SYCP2: variants seen among roughly 807,000 people sequenced by gnomAD.
SYCP2 encodes synaptonemal complex lateral element protein.
In SYCP2, 55 loss-of-function variants were observed where a neutral mutation model predicts 211.3. The observed-to-expected ratio is 0.26, with a 90% CI of 0.21 to 0.33. The LOEUF (loss-of-function observed/expected upper bound fraction) is 0.33, where lower values mean the gene tolerates loss of function less well. SYCP2 is among the 10% of genes least tolerant of loss of function. The probability of loss-of-function intolerance (pLI) is 1.00; values close to 1 mark genes in which losing one functional copy is unlikely to be tolerated. For synonymous variants in SYCP2, 570 were observed against 555.2 expected, an observed-to-expected ratio of 1.03 and a Z score of -0.37; for missense variants, 1,731 against 1,752.0, an observed-to-expected ratio of 0.99 and a Z score of 0.21.
chr20:59,880,254 A>G, intron 31 of SYCP2, 49 bp downstream of exon 31: 1 of 1,454,636 alleles, frequency 6.9e-7, no homozygotes, highest in African/African-American at 1.4e-5. Flanking sequence ...AATAATTGAA[A>G]TAAACTGCAA....
Position 59,893,578 on chromosome 20 carries a change from TAGC to T in SYCP2, c.1678_1680del (p.Ala560del). 1 of 1,608,756 alleles carries T rather than the reference TAGC, an allele frequency of 6.2e-7. No homozygotes were observed. Among genetic ancestry groups the T allele is most frequent in the Non-Finnish European group, 8.5e-7 (1 of 1,176,818 alleles). On this transcript the variant is annotated inframe_deletion, in exon 21 of 45. Transcript: ENST00000357552. ...TTATTTTCTGTGTTTTCTACACACT[TAGC>T]AGTTTTGATATGCTGTAAACACAGG...
In SYCP2 at chr20:59,892,636, G is replaced by T. The variant is rs758129507; in HGVS notation, c.1859C>A (p.Pro620His). Reference sequence around the variant, plus strand: ...ATTACATAGTTCAATGTTTGTTACAGGTGTCCAACATGCCCATTTGCTGTG... The same window carrying T: ...ATTACATAGTTCAATGTTTGTTACATGTGTCCAACATGCCCATTTGCTGTG... ...KIHSKWACWT[P>H]VTNIELCNNQ... The change falls in exon 23 of 45, where the codon CCT becomes CAT. Residue 620 changes from proline (P) to histidine (H), a missense_variant. Pro to His is a moderately conservative substitution (Grantham distance 77). Around this residue, in one of 3 missense-constraint regions of SYCP2, gnomAD observed 1,387 missense variants for 1,351.3 expected, o/e 1.03. Coordinates refer to ENST00000357552, the MANE Select transcript of SYCP2 (RefSeq NM_014258.4). The T allele has an allele frequency of 1.2e-6, 2 of 1,610,608 alleles. No homozygotes were observed. Among genetic ancestry groups the T allele is most frequent in the South Asian group, 2.2e-5 (2 of 90,704 alleles).
At chr20:59,891,117 G>A (rs2145727866) in intron 24 of SYCP2, among the ~76,000 whole-genome samples, 1 of 151,982 alleles carries the variant, frequency 6.6e-6, no homozygotes, top group African/African-American at 2.4e-5. Context: ...CACATTGAGA[G>A]GTTACATTGT....
In SYCP2 at chr20:59,886,802, A is replaced by C. The variant is rs2059797906; in HGVS notation, c.2397T>G (p.Asn799Lys). The change falls in exon 25 of 45, where the codon AAT (asparagine) becomes AAG (lysine). Residue 799 changes from asparagine (N) to lysine (K), a missense_variant. Transcript: ENST00000357552. ...REKSKGKEFT[N>K]VAESLISQIN... ...TTTGGCTTATCAAGGATTCTGCTAC[A>C]TTGGTAAATTCTTTCCCTTTTGACT... The C allele has an allele frequency of 6.3e-7, 1 of 1,591,356 alleles. No individual in the cohort carries two copies. Among genetic ancestry groups the C allele is most frequent in the Non-Finnish European group, 8.5e-7 (1 of 1,172,772 alleles).
At position 59,912,373 on chromosome 20, in the gene SYCP2, C is replaced by A. The variant is rs866038577; in HGVS notation, c.876G>T (p.Glu292Asp). The change falls in exon 13 of 45, where the codon GAG becomes GAT. Residue 292 changes from glutamate to aspartate, a missense_variant and splice_region_variant. Coordinates refer to ENST00000357552, the MANE Select transcript of SYCP2 (RefSeq NM_014258.4). ...ATAATGTGTTAAATTAAAATTTTAC[C>A]TCATATTTATCAAGAAATGCTGATA... ...PCLSAFLDKY[E>D]LQIPSDEKLE... The A allele has an allele frequency of 2.9e-6, 3 of 1,044,102 alleles. No individual in the cohort carries two copies. The highest frequency in any genetic ancestry group is 2.8e-5 in the East Asian group (1 of 35,164). The allele number at this position is 1,044,102 out of a possible 1,614,324, so 64.7% of individuals were successfully genotyped here. A position where few individuals can be genotyped will look rare whatever the true frequency, so the allele number is the denominator to read the frequency against.
At position 59,864,259 on chromosome 20, in the gene SYCP2, G is replaced by A. The variant is rs1169601042; in HGVS notation, c.*52C>T. On this transcript the variant is annotated 3_prime_UTR_variant, in exon 45 of 45. Coordinates refer to ENST00000357552, the MANE Select transcript of SYCP2 (RefSeq NM_014258.4). Reference sequence around the variant, plus strand: ...TTGTAGGACTATTCTTATTTCCTCAGTTATATACAGAGAATAATAATTAGA... The same window carrying A: ...TTGTAGGACTATTCTTATTTCCTCAATTATATACAGAGAATAATAATTAGA... 1.6e-5 allele frequency: 20 copies of A among 1,273,758 alleles called. No individual in the cohort carries two copies. The highest frequency in any genetic ancestry group is 2.0e-5 in the Non-Finnish European group (18 of 898,596). The allele number at this position is 1,273,758 out of a possible 1,614,324, so 78.9% of individuals were successfully genotyped here.
chr20:59,922,648 A>C (rs550616499), intron 2 of SYCP2, among the ~76,000 whole-genome samples, 189 bp from the exon 3 acceptor site: 2 of 151,860 alleles, frequency 1.3e-5, no homozygotes, highest in Admixed American at 6.6e-5. Context: ...GAAAAGCCTG[A>C]AGATCATTTA....
rs1034076417 is a variant in SYCP2 at position 59,920,452 on chromosome 20, G to A, written c.204C>T (p.Ala68=). ...LNKEDIHNVS[A]ILVSVGRCGK... is the part of the protein sequence containing the mutation. ...CACATCTTCCAACAGAAACCAAAAT[G>A]GCTGAAACATTGTGGATATCCTCTT... The change falls in exon 5 of 45, where the codon GCC becomes GCT. Residue 68 remains alanine (A), a synonymous_variant. Transcript: ENST00000357552. 2.5e-6 allele frequency: 4 copies of A among 1,607,410 alleles called. No individual in the cohort carries two copies. The highest frequency in any genetic ancestry group is 3.4e-6 in the Non-Finnish European group (4 of 1,175,630).
intron 20 of SYCP2, 43 bp from the exon 21 acceptor site, chr20:59,893,636 T>C (rs1159671618): frequency 1.4e-6 from 2 of 1,443,606 alleles, no homozygotes; most frequent in African/African-American, 1.4e-5. Flanking sequence ...TAAGATGTTA[T>C]ATGAAAACCT....
chr20:59,903,571 G>C (rs1002160738), intron 15 of SYCP2, among the ~76,000 whole-genome samples: 4 of 152,082 alleles, frequency 2.6e-5, no homozygotes, highest in African/African-American at 9.7e-5. Context: ...GGAGAACTTG[G>C]AGAAATTACC....
In SYCP2 at chr20:59,866,713, A is replaced by G. The variant is rs1386043299; in HGVS notation, c.4126-124T>C. 7.4e-6 allele frequency: 5 copies of G among 671,930 alleles called. No individual in the cohort carries two copies. In the East Asian group the frequency reaches 1.4e-4, roughly 19 times the overall value. The allele number at this position is 671,930 out of a possible 1,614,324, so 41.6% of individuals were successfully genotyped here. On this transcript the variant is annotated intron_variant, in intron 39 of 44. Coordinates refer to ENST00000357552, the MANE Select transcript of SYCP2 (RefSeq NM_014258.4). ...CTAAGAAGAACTTGGAAAAGTGAAA[A>G]ATTAAAAACTCAGTTATTTAAACTG...
In SYCP2 at chr20:59,875,464, C is replaced by T. The variant is rs372425287; in HGVS notation, c.3156G>A (p.Glu1052=). ...CCGTTTTCATTCTGGAATGGATATT[C>T]TCCTCCTAAATGTATCAATAACTTT... ...SFKENIPVKE[E]NIHSRMKTVK... The change falls in exon 34 of 45, where the codon GAG becomes GAA. Residue 1052 remains glutamate (E), a synonymous_variant. Coordinates refer to ENST00000357552, the MANE Select transcript of SYCP2 (RefSeq NM_014258.4). The T allele has an allele frequency of 9.9e-6, 16 of 1,609,668 alleles. No homozygotes were observed. The East Asian group carries it at 2.0e-4, about 20-fold the overall frequency.
intron 26 of SYCP2, among the ~76,000 whole-genome samples, chr20:59,883,572 T>C (rs1471683484): frequency 6.6e-6 from 1 of 151,774 alleles, no homozygotes; most frequent in Non-Finnish European, 1.5e-5. Context: ...AAGAGGACAT[T>C]ATGCTAAGTG....
intron 8 of SYCP2, among the ~76,000 whole-genome samples, chr20:59,916,169 AT>A (rs1172056355): frequency 6.6e-6 from 1 of 151,934 alleles, no homozygotes; most frequent in East Asian, 1.9e-4. Flanking sequence ...ATGTTACTTT[AT>A]TTTGTTCTTA....
chr20:59,924,824 AAG>A (rs2060605311), intron 2 of SYCP2, among the ~76,000 whole-genome samples: 1 of 152,016 alleles, frequency 6.6e-6, no homozygotes, highest in Non-Finnish European at 1.5e-5. Context: ...TGGTACTGAA[AAG>A]AGAATCCAGA....
chr20:59,889,655 C>T (rs187526678), intron 24 of SYCP2, among the ~76,000 whole-genome samples: 20 of 151,974 alleles, frequency 1.3e-4, no homozygotes, highest in Middle Eastern at 3.4e-3. Context: ...TTAATGTCCC[C>T]TTAAGATTAT....
Position 59,896,465 on chromosome 20 carries a change from A to G in SYCP2, c.1468T>C (p.Tyr490His). Reference sequence around the variant, plus strand: ...AAAAGCACTGGACTTCTCATAGTGTATCTATCTGCACCAGAAACAATCATT... The same window carrying G: ...AAAAGCACTGGACTTCTCATAGTGTGTCTATCTGCACCAGAAACAATCATT... The part of the protein sequence containing the change: ...ASMIVSGADR[Y>H]TMRSPVLFSN... Residue 490 changes from tyrosine to histidine, a missense_variant, in exon 19 of 45, where the codon TAC becomes CAC. Transcript: ENST00000357552. 1 of 1,609,032 alleles carries G rather than the reference A, an allele frequency of 6.2e-7. No homozygotes were observed. The highest frequency in any genetic ancestry group is 1.7e-5 in the Admixed American group (1 of 59,886).
At chr20:59,865,270 A>G in intron 44 of SYCP2, 118 bp downstream of exon 44, 1 of 774,668 alleles carries the variant, frequency 1.3e-6, no homozygotes, top group South Asian at 1.9e-5. Flanking sequence ...TAATTGGGCT[A>G]AAACTATTTT....
In SYCP2 at chr20:59,877,569, A is replaced by C; in HGVS notation, c.2980-14T>G. ...TTTACTGGGTGTCTTTAGGAGAAAA[A>C]TTCCTGAATATTAGATCAATATTTG... is the stretch of plus-strand genomic sequence containing the variant. On this transcript the variant is annotated splice_polypyrimidine_tract_variant and intron_variant, in intron 32 of 44. Transcript: ENST00000357552. 3.2e-6 allele frequency: 5 copies of C among 1,573,412 alleles called. No homozygotes were observed. The highest frequency in any genetic ancestry group is 4.3e-6 in the Non-Finnish European group (5 of 1,167,904).
Sources: gnomAD v4.1 joint callset for allele counts (sites outside exome capture counted in the v4.1 genomes callset) on GRCh38, gnomAD v4.1.1 for gene constraint, gnomAD v4.1.1 regional missense constraint, MANE v1.5 for transcripts, NCBI Gene and HGNC (gene_info 2026-07-23, HGNC 2026-07-21) for gene names.